Variants in NDUFAF6 observed in about 807,000 individuals in gnomAD.
NDUFAF6 encodes the protein NADH dehydrogenase (ubiquinone) complex I, assembly factor 6.
A neutral mutation model predicts 40.8 loss-of-function variants in NDUFAF6; 45 were observed. The ratio of observed to expected loss-of-function variants is 1.10; its 90% CI spans 0.87 to 1.42. The LOEUF (loss-of-function observed/expected upper bound fraction) is 1.42, where lower values mean the gene tolerates loss of function less well. Ranked by LOEUF, NDUFAF6 falls within the 40% of genes most tolerant of loss-of-function variation. NDUFAF6 has a pLI of 0.00. For missense variants in NDUFAF6, 435 were observed against 418.5 expected (o/e 1.04, Z -0.34); for synonymous variants, 185 against 155.9 (o/e 1.19, Z -1.39).
chr8:94,997,927 C>G (rs940388890), intron 2 of NDUFAF6, among the ~76,000 whole-genome samples: 6 of 152,156 alleles, frequency 3.9e-5, no homozygotes, highest in Non-Finnish European at 7.4e-5. Flanking sequence ...CCCTGAAGAT[C>G]TGTGGTTTTC....
At chr8:94,994,861 C>T (rs1286155379) in intron 2 of NDUFAF6, among the ~76,000 whole-genome samples, 1 of 152,090 alleles carries the variant, frequency 6.6e-6, no homozygotes, top group Non-Finnish European at 1.5e-5. Context: ...CAAGACAAGA[C>T]AAAAACACAC....
At chr8:95,031,010 C>A (rs929167454) in intron 1 of NDUFAF6, among the ~76,000 whole-genome samples, 7 of 152,150 alleles carry the variant, frequency 4.6e-5, no homozygotes, top group Non-Finnish European at 1.0e-4. Context: ...CTCACTTATC[C>A]CCAAGGGGAT....
chr8:94,940,706 C>A, intron 1 of NDUFAF6: 2 of 675,126 alleles, frequency 3.0e-6, no homozygotes, highest in Non-Finnish European at 4.9e-6. Context: ...TTTTTAAAGA[C>A]AAACTCCTGC....
intron 1 of NDUFAF6, among the ~76,000 whole-genome samples, chr8:94,977,119 A>G (rs1203001426): frequency 4.1e-5 from 6 of 147,668 alleles, no homozygotes; most frequent in African/African-American, 1.5e-4. Flanking sequence ...AGCCTGGGTG[A>G]CAGAGTGAGA....
At chr8:95,107,480 G>T (rs991087488), downstream of NDUFAF6, among the ~76,000 whole-genome samples, 3 of 152,086 alleles carry the variant, frequency 2.0e-5, no homozygotes, top group Non-Finnish European at 2.9e-5. Context: ...GCCTGTCGGA[G>T]GGGTAGGAGG....
At chr8:95,054,569 G>A (rs1831884505) in intron 8 of NDUFAF6, among the ~76,000 whole-genome samples, 1 of 152,034 alleles carries the variant, frequency 6.6e-6, no homozygotes, top group African/African-American at 2.4e-5. Context: ...CGAGTAGCTG[G>A]GATTACAGGC....
Position 95,057,898 on chromosome 8 carries a change from A to G in NDUFAF6, c.963A>G (p.Pro321=), listed in dbSNP as rs1210614847. ...TACAGCAGAAGAATACATTACTTCC[A>G]TTATATTTGTATATTCAGTCATGGA... is the stretch of plus-strand genomic sequence containing the variant. ...PSLQQKNTLL[P]LYLYIQSWRK... The change falls in exon 9 of 9, where the codon CCA becomes CCG. Residue 321 remains proline (P), a synonymous_variant. Coordinates refer to ENST00000396124, the MANE Select transcript of NDUFAF6 (RefSeq NM_152416.4). 3.2e-6 allele frequency: 5 copies of G among 1,565,148 alleles called. No homozygotes were observed. The highest frequency in any genetic ancestry group is 4.4e-6 in the Non-Finnish European group (5 of 1,135,738).
chr8:94,909,382 A>AAAAAAAAC (rs1563700299), intron 1 of NDUFAF6, among the ~76,000 whole-genome samples: 61 of 58,030 alleles, frequency 1.1e-3, no homozygotes, highest in African/African-American at 2.0e-3. Flanking sequence ...AAAAAAAAAA[A>AAAAAAAAC]CACTTCGGGA....
intron 9 of NDUFAF6, among the ~76,000 whole-genome samples, chr8:95,065,533 A>C (rs543535513): frequency 6.6e-6 from 1 of 152,176 alleles, no homozygotes; most frequent in African/African-American, 2.4e-5. Context: ...GTAGAAAAGA[A>C]GAGATTAGAA....
chr8:95,084,181 A>G (rs1179922557), intron 2 of NDUFAF6, among the ~76,000 whole-genome samples: 3 of 151,926 alleles, frequency 2.0e-5, no homozygotes, highest in African/African-American at 4.8e-5. Context: ...GAAGTTTCTC[A>G]TTTCTTTTGG....
chr8:95,041,172 A>C (rs1830103821), intron 3 of NDUFAF6, among the ~76,000 whole-genome samples: 1 of 152,170 alleles, frequency 6.6e-6, no homozygotes, highest in East Asian at 1.9e-4. Flanking sequence ...GATAATTTGA[A>C]CACAGAAGTT....
chr8:95,018,912 G>C (rs1827577320), intron 2 of NDUFAF6, among the ~76,000 whole-genome samples: 1 of 152,164 alleles, frequency 6.6e-6, no homozygotes, highest in African/African-American at 2.4e-5. Context: ...CATAGGCAAG[G>C]TATTTGTGGT....
At chr8:94,924,041 A>G (rs547520415) in intron 1 of NDUFAF6, among the ~76,000 whole-genome samples, 19 of 150,862 alleles carry the variant, frequency 1.3e-4, no homozygotes, top group Non-Finnish European at 1.2e-4. Context: ...CAAGCAGTTC[A>G]TAAAGCTCTT....
At chr8:94,925,150 T>A (rs1379258416) in intron 1 of NDUFAF6, among the ~76,000 whole-genome samples, 1 of 152,224 alleles carries the variant, frequency 6.6e-6, no homozygotes, top group Non-Finnish European at 1.5e-5. Flanking sequence ...TCTTTTCATC[T>A]CAGCAAAGAC....
chr8:95,083,974 T>C (rs2132055142), intron 2 of NDUFAF6, among the ~76,000 whole-genome samples: 1 of 152,312 alleles, frequency 6.6e-6, no homozygotes, highest in Admixed American at 6.5e-5. Context: ...GCATCTTAGA[T>C]TAAGGACTTC....
At chr8:95,114,899 A>C (rs1810095013) in intron 4 of NDUFAF6, among the ~76,000 whole-genome samples, 1 of 152,160 alleles carries the variant, frequency 6.6e-6, no homozygotes, top group Non-Finnish European at 1.5e-5. Context: ...ATAATACGTG[A>C]AAGCGTCTCG....
intron 2 of NDUFAF6, among the ~76,000 whole-genome samples, chr8:95,092,776 A>T (rs1447924737): frequency 1.3e-5 from 2 of 151,646 alleles, no homozygotes; most frequent in African/African-American, 2.4e-5. Flanking sequence ...AGTAGAGATG[A>T]GGTTTCACTG....
At chr8:94,957,033 G>A (rs2340586), upstream of NDUFAF6, among the ~76,000 whole-genome samples, 75,136 of 151,610 alleles carry the variant, frequency 0.5, 18,950 homozygotes, top group East Asian at 0.72. Context: ...TTACCCGGGC[G>A]GGGTGGCATG....
chr8:94,917,094 G>A (rs1435947483), intron 1 of NDUFAF6, among the ~76,000 whole-genome samples: 6 of 123,794 alleles, frequency 4.8e-5, no homozygotes, highest in African/African-American at 1.9e-4. Context: ...CTGGGTGACA[G>A]AGCGAGACTC....
Sources: gnomAD v4.1 joint callset for allele counts (sites outside exome capture counted in the v4.1 genomes callset) on GRCh38, gnomAD v4.1.1 for gene constraint, MANE v1.5 for transcripts, NCBI Gene and HGNC (gene_info 2026-07-23, HGNC 2026-07-21) for gene names.